The following ABCD3 variants were observed in gnomAD, a reference collection of about 807,000 sequenced individuals.
ABCD3 encodes the protein ATP-binding cassette sub-family D member 3.
Under a neutral mutation model 105.5 loss-of-function variants are expected in ABCD3, and 41 were observed. The ratio of observed to expected loss-of-function variants is 0.39; its 90% CI spans 0.30 to 0.50. The LOEUF (loss-of-function observed/expected upper bound fraction) is 0.50. Ranked by LOEUF, ABCD3 falls within the 20% of genes least tolerant of loss-of-function variation. The pLI, the probability that ABCD3 is intolerant of heterozygous loss-of-function variation, is 0.84. For missense variants in ABCD3, 622 were observed against 806.3 expected (o/e 0.77, Z 2.77); for synonymous variants, 258 against 269.0 (o/e 0.96, Z 0.40).
chr1:94,445,764 C>T (rs1417782596), intron 1 of ABCD3, among the ~76,000 whole-genome samples: 1 of 152,162 alleles, frequency 6.6e-6, no homozygotes, highest in Non-Finnish European at 1.5e-5. Context: ...AGCTCGGTTA[C>T]AGGAGTCTCT....
At chr1:94,406,315 T>C in the ABCD3 span, 1 of 210,244 alleles carries the variant, frequency 4.8e-6, no homozygotes, top group Non-Finnish European at 9.4e-6. Context: ...GTTTTAATGA[T>C]AGAGTCTTTA....
In ABCD3 at chr1:94,487,889, A is replaced by G. The variant is rs1444001372; in HGVS notation, c.1066-3A>G. On this transcript the variant is annotated splice_polypyrimidine_tract_variant and splice_region_variant and intron_variant, in intron 12 of 22. Coordinates refer to ENST00000370214, the MANE Select transcript of ABCD3 (RefSeq NM_002858.4). ...TAAAAACTAATATTTATTTCTATTT[A>G]AGGATTACTACCAAAGTGGAAGAAT... The G allele has an allele frequency of 6.2e-7, 1 of 1,612,274 alleles. No homozygotes were observed. Among genetic ancestry groups the G allele is most frequent in the South Asian group, 1.1e-5 (1 of 90,970 alleles).
the ABCD3 span, among the ~76,000 whole-genome samples, chr1:94,396,946 A>C: frequency 2.6e-5 from 4 of 152,222 alleles, no homozygotes; most frequent in African/African-American, 9.6e-5. Flanking sequence ...TATTTCAAGA[A>C]AAAAAGTGTA....
At chr1:94,419,778 T>G (rs1023763293) in intron 1 of ABCD3, among the ~76,000 whole-genome samples, 4 of 152,228 alleles carry the variant, frequency 2.6e-5, no homozygotes, top group Non-Finnish European at 5.9e-5. Flanking sequence ...ATCTTTCTTT[T>G]CCTTCCTAAA....
chr1:94,490,050 C>T (rs1279444100), intron 15 of ABCD3, 75 bp downstream of exon 15: 13 of 1,350,548 alleles, frequency 9.6e-6, no homozygotes, highest in Non-Finnish European at 9.5e-6. Context: ...TTTCAGCTTA[C>T]AATTGCTTAG....
chr1:94,395,184 G>T, the ABCD3 span, among the ~76,000 whole-genome samples: 1 of 152,114 alleles, frequency 6.6e-6, no homozygotes, highest in South Asian at 2.1e-4. Flanking sequence ...TAGCAAGAGG[G>T]TTATCCATAT....
At chr1:94,412,456 T>A in the ABCD3 span, among the ~76,000 whole-genome samples, 1 of 152,208 alleles carries the variant, frequency 6.6e-6, no homozygotes, top group South Asian at 2.1e-4. Flanking sequence ...GAAAATCATA[T>A]CAGTTCATAT....
chr1:94,393,553 C>T, the ABCD3 span, among the ~76,000 whole-genome samples: 2 of 151,880 alleles, frequency 1.3e-5, no homozygotes, highest in Non-Finnish European at 2.9e-5. Flanking sequence ...GCAGGAGAAT[C>T]GCTTGAACCT....
intron 10 of ABCD3, among the ~76,000 whole-genome samples, chr1:94,484,978 C>T (rs1649214378): frequency 6.6e-6 from 1 of 152,096 alleles, no homozygotes; most frequent in Non-Finnish European, 1.5e-5. Flanking sequence ...GCTTTTCATA[C>T]CACACAGTGT....
chr1:94,471,148 T>C (rs1358484261), intron 4 of ABCD3, among the ~76,000 whole-genome samples: 2 of 152,194 alleles, frequency 1.3e-5, no homozygotes, highest in African/African-American at 4.8e-5. Context: ...TAGTACTCAG[T>C]TTTAAAATTT....
intron 1 of ABCD3, among the ~76,000 whole-genome samples, chr1:94,439,693 A>G (rs983941643): frequency 1.3e-5 from 2 of 152,116 alleles, no homozygotes; most frequent in African/African-American, 2.4e-5. Flanking sequence ...TAATTTGTAT[A>G]TTTACTTTCA....
At chr1:94,409,598 C>T in the ABCD3 span, among the ~76,000 whole-genome samples, 1 of 152,136 alleles carries the variant, frequency 6.6e-6, no homozygotes, top group African/African-American at 2.4e-5. Context: ...TTACTTATTA[C>T]AACTTTAAAA....
At chr1:94,449,729 G>A (rs1443296556) in intron 1 of ABCD3, among the ~76,000 whole-genome samples, 1 of 151,322 alleles carries the variant, frequency 6.6e-6, no homozygotes, top group Non-Finnish European at 1.5e-5. Context: ...TCCCCTAAGG[G>A]GATGTTTAGC....
At chr1:94,448,955 G>A (rs995168859) in intron 1 of ABCD3, among the ~76,000 whole-genome samples, 7 of 152,060 alleles carry the variant, frequency 4.6e-5, no homozygotes, top group African/African-American at 1.7e-4. Flanking sequence ...ATTTTTTTTA[G>A]CATGCCTAAA....
upstream of ABCD3, among the ~76,000 whole-genome samples, chr1:94,413,763 C>T (rs1325123741): frequency 5.3e-5 from 8 of 152,194 alleles, no homozygotes; most frequent in Non-Finnish European, 1.5e-5. Context: ...TTTACCTTTC[C>T]AGAGAAATGA....
chr1:94,386,822 T>G, the ABCD3 span, among the ~76,000 whole-genome samples: 1 of 152,054 alleles, frequency 6.6e-6, no homozygotes, highest in Non-Finnish European at 1.5e-5. Flanking sequence ...GCCACTGCAC[T>G]CCAGCCTGGG....
intron 4 of ABCD3, among the ~76,000 whole-genome samples, chr1:94,470,499 C>A (rs989514327): frequency 6.6e-6 from 1 of 151,984 alleles, no homozygotes; most frequent in Admixed American, 6.5e-5. Flanking sequence ...ATCTCCCCCT[C>A]AATCTTTTTT....
chr1:94,445,330 G>A (rs1660306582), intron 1 of ABCD3, among the ~76,000 whole-genome samples: 1 of 152,172 alleles, frequency 6.6e-6, no homozygotes, highest in South Asian at 2.1e-4. Flanking sequence ...TCAAACCCAG[G>A]TTGAGGGGTC....
intron 5 of ABCD3, among the ~76,000 whole-genome samples, chr1:94,474,838 CTT>C (rs1484565159): frequency 1.3e-5 from 2 of 151,124 alleles, no homozygotes; most frequent in African/African-American, 4.9e-5. Flanking sequence ...AAAAGCAAGT[CTT>C]TACATTGGCT....
Sources: gnomAD v4.1 joint callset for allele counts (sites outside exome capture counted in the v4.1 genomes callset) on GRCh38, gnomAD v4.1.1 for gene constraint, MANE v1.5 for transcripts, NCBI Gene and HGNC (gene_info 2026-07-23, HGNC 2026-07-21) for gene names.